Variants in RGPD3 observed in about 807,000 individuals in gnomAD.
The protein encoded by RGPD3 is ranBP2-like and GRIP domain-containing protein 3.
In RGPD3, 62 loss-of-function variants were observed where a neutral mutation model predicts 154.5. The ratio of observed to expected loss-of-function variants is 0.40; its 90% CI spans 0.33 to 0.50. RGPD3 has a LOEUF of 0.50. RGPD3 is among the 20% of genes least tolerant of loss of function. The probability of loss-of-function intolerance (pLI) is 0.59; values close to 1 mark genes in which losing one functional copy is unlikely to be tolerated. For missense variants in RGPD3, 919 were observed against 1,716.8 expected, an observed-to-expected ratio of 0.54 and a Z score of 8.21; for synonymous variants, 308 against 607.0, an observed-to-expected ratio of 0.51 and a Z score of 7.24.
chr2:106,428,904 T>TA (rs1238825058), intron 18 of RGPD3, among the ~76,000 whole-genome samples: 1 of 149,636 alleles, frequency 6.7e-6, no homozygotes, highest in Non-Finnish European at 1.5e-5. Flanking sequence ...TCCTTATTTA[T>TA]AAAAAAGGGA....
At chr2:106,462,629 A>T (rs968753731) in intron 1 of RGPD3, among the ~76,000 whole-genome samples, 14 of 152,150 alleles carry the variant, frequency 9.2e-5, no homozygotes, top group African/African-American at 3.1e-4. Flanking sequence ...ATGTAATTGT[A>T]ATTGTCCAAA....
At chr2:106,449,462 G>C (rs1444505771) in intron 6 of RGPD3, among the ~76,000 whole-genome samples, 1 of 83,230 alleles carries the variant, frequency 1.2e-5, no homozygotes, top group Non-Finnish European at 2.3e-5. Context: ...GCAAAACTCT[G>C]TCTCAAAAAA....
At chr2:106,446,569 CAAAA>C (rs550745664) in intron 7 of RGPD3, among the ~76,000 whole-genome samples, 1 of 20,550 alleles carries the variant, frequency 4.9e-5, no homozygotes, top group Non-Finnish European at 8.4e-5. Flanking sequence ...GACTCCATCT[CAAAA>C]AAAAAAAAAA....
chr2:106,431,796 T>C (rs1431134748), intron 17 of RGPD3, among the ~76,000 whole-genome samples: 2 of 151,876 alleles, frequency 1.3e-5, no homozygotes, highest in African/African-American at 4.8e-5. Context: ...GAACCTACTT[T>C]TATTTCCAAT....
At position 106,424,572 on chromosome 2, in the gene RGPD3, C is replaced by G. The variant is rs751430277; in HGVS notation, c.3395G>C (p.Trp1132Ser). 3.7e-6 allele frequency: 6 copies of G among 1,610,728 alleles called. No homozygotes were observed. In the South Asian group the frequency reaches 6.6e-5, roughly 18 times the overall value. ...ACCATCAGAGAAATCACTGGCTGAC[C>G]ACATCCATGCTCTATCTGATCCAGA... ...PLSGSDRAWM[W>S]SASDFSDGDA... is the part of the protein sequence containing the mutation. Residue 1132 changes from tryptophan to serine, a missense_variant, in exon 20 of 23, where the codon TGG becomes TCG. Coordinates refer to ENST00000409886, the MANE Select transcript of RGPD3 (RefSeq NM_001144013.2).
At chr2:106,443,695 T>TC (rs1350954439) in intron 7 of RGPD3, among the ~76,000 whole-genome samples, 18 of 121,836 alleles carry the variant, frequency 1.5e-4, no homozygotes, top group African/African-American at 5.4e-4. Flanking sequence ...CTTTTTTTTT[T>TC]TTTTTTTTGA....
intron 6 of RGPD3, among the ~76,000 whole-genome samples, chr2:106,448,580 G>A (rs1183427142): frequency 1.3e-5 from 2 of 150,654 alleles, no homozygotes; most frequent in East Asian, 1.9e-4. Flanking sequence ...AGATCTCTGA[G>A]GGTGCTCAAA....
chr2:106,470,735 A>T, upstream of RGPD3: 1 of 1,491,732 alleles, frequency 6.7e-7, no homozygotes, highest in Non-Finnish European at 9.1e-7. Context: ...CATGGAAAGA[A>T]CTAATGTTTA....
At chr2:106,441,191 T>C in intron 8 of RGPD3, 102 bp downstream of exon 8, 2 of 1,530,974 alleles carry the variant, frequency 1.3e-6, no homozygotes, top group Non-Finnish European at 1.8e-6. Flanking sequence ...GAAATAATTT[T>C]GACAAATTAT....
upstream of RGPD3, among the ~76,000 whole-genome samples, chr2:106,470,163 G>T (rs1678779352): frequency 6.6e-6 from 1 of 152,108 alleles, no homozygotes; most frequent in African/African-American, 2.4e-5. Flanking sequence ...GCCCAAAAAA[G>T]GTTATTATTG....
intron 1 of RGPD3, 133 bp from the exon 2 acceptor site, chr2:106,459,465 G>A: frequency 2.2e-6 from 1 of 449,266 alleles, no homozygotes; most frequent in Non-Finnish European, 3.9e-6. Flanking sequence ...TTTTTTTAAA[G>A]CCTGACAAAT....
chr2:106,424,010 A>G lies in RGPD3; in HGVS notation c.3957T>C (p.Asp1319=). The change falls in exon 20 of 23, where the codon GAT becomes GAC. Residue 1319 remains aspartate (D), a synonymous_variant. Coordinates refer to ENST00000409886, the MANE Select transcript of RGPD3 (RefSeq NM_001144013.2). ...CTTCTTGAGTAACATCAGATTCTTCATCAGTGCCAACTGAAGTCCCACTCT... is the reference window on the plus strand; with the variant it reads ...CTTCTTGAGTAACATCAGATTCTTCGTCAGTGCCAACTGAAGTCCCACTCT... ...LNQSGTSVGT[D]EESDVTQEEE... 2 of 1,611,826 alleles carry G rather than the reference A, an allele frequency of 1.2e-6. No individual in the cohort carries two copies. The highest frequency in any genetic ancestry group is 1.7e-6 in the Non-Finnish European group (2 of 1,179,836).
At chr2:106,455,058 T>C (rs1464925747) in intron 4 of RGPD3, among the ~76,000 whole-genome samples, 1 of 152,188 alleles carries the variant, frequency 6.6e-6, no homozygotes, top group Non-Finnish European at 1.5e-5. Context: ...CCCAGCACTT[T>C]GGGAGGCCAA....
chr2:106,470,806 C>G, upstream of RGPD3: 2 of 1,602,098 alleles, frequency 1.2e-6, no homozygotes, highest in South Asian at 1.1e-5. Flanking sequence ...CTTACCTCGT[C>G]CAATGATCCA....
chr2:106,457,253 G>A (rs1573297795), intron 3 of RGPD3, 130 bp from the exon 4 acceptor site: 2 of 1,454,772 alleles, frequency 1.4e-6, no homozygotes, highest in East Asian at 2.5e-5. Flanking sequence ...TCTACTTCTG[G>A]AGAAAACATA....
intron 1 of RGPD3, among the ~76,000 whole-genome samples, chr2:106,466,366 C>T (rs1193080714): frequency 1.5e-5 from 2 of 135,040 alleles, no homozygotes; most frequent in Non-Finnish European, 3.2e-5. Context: ...AGGCCGCCGC[C>T]GGGCCGGGTC....
chr2:106,428,577 G>T (rs1340595241), intron 18 of RGPD3, among the ~76,000 whole-genome samples: 1 of 150,640 alleles, frequency 6.6e-6, no homozygotes, highest in Non-Finnish European at 1.5e-5. Context: ...CTTGTGTTGA[G>T]AAGATACTAT....
intron 18 of RGPD3, among the ~76,000 whole-genome samples, chr2:106,427,357 CAAAT>C (rs770353069): frequency 9.2e-5 from 14 of 151,374 alleles, no homozygotes; most frequent in Admixed American, 8.5e-4. Flanking sequence ...TCAAGGAACA[CAAAT>C]GTGTTCGTTG....
At position 106,413,273 on chromosome 2, in the gene RGPD3, C is replaced by T. The variant is rs771575638; in HGVS notation, c.5077G>A (p.Glu1693Lys). ...TGATTCCTTTCCAATCTTCTTATTT[C>T]ACTTTTGAGAAGCTGGTGTTAGAGA... ...LMEQIKLLKS[E>K]IRRLERNQEQ... is the part of the protein sequence containing the mutation. Residue 1693 changes from glutamate to lysine, a missense_variant, in exon 22 of 23, where the codon GAA becomes AAA. Glu to Lys is a moderately conservative substitution (Grantham distance 56). Transcript: ENST00000409886. 1.6e-5 allele frequency: 25 copies of T among 1,611,780 alleles called. No homozygotes were observed. Among genetic ancestry groups the T allele is most frequent in the African/African-American group, 2.7e-5 (2 of 74,812 alleles).
Sources: allele counts gnomAD v4.1 joint callset (sites outside exome capture counted in the v4.1 genomes callset), GRCh38; gene constraint gnomAD v4.1.1; transcripts MANE v1.5; gene names NCBI Gene and HGNC (gene_info 2026-07-23, HGNC 2026-07-21).